Variants in MSRA observed in about 807,000 individuals in gnomAD.
MSRA encodes the protein mitochondrial peptide methionine sulfoxide reductase.
In MSRA, 54 loss-of-function variants were observed where a neutral mutation model predicts 31.3. The observed-to-expected ratio is 1.73, with a 90% CI of 1.39 to 2.17. MSRA has a LOEUF of 2.17. Ranked by LOEUF, MSRA falls within the 30% of genes most tolerant of loss-of-function variation. The pLI, the probability that MSRA is intolerant of heterozygous loss-of-function variation, is 0.00. For missense variants in MSRA, 507 were observed against 300.9 expected, an observed-to-expected ratio of 1.69 and a Z score of -5.07; for synonymous variants, 169 against 116.5, an observed-to-expected ratio of 1.45 and a Z score of -2.90.
intron 1 of MSRA, among the ~76,000 whole-genome samples, chr8:10,071,373 T>A (rs1797723338): frequency 6.6e-6 from 1 of 152,096 alleles, no homozygotes; most frequent in Non-Finnish European, 1.5e-5. Flanking sequence ...CAGCGGAGTC[T>A]TTTATATATT....
intron 1 of MSRA, among the ~76,000 whole-genome samples, chr8:10,197,391 G>A (rs138028468): frequency 6.6e-6 from 1 of 152,312 alleles, no homozygotes; most frequent in African/African-American, 2.4e-5. Flanking sequence ...AGGCTAGTCT[G>A]GTGCTTGCCG....
intron 5 of MSRA, among the ~76,000 whole-genome samples, chr8:10,327,271 C>T (rs1189243196): frequency 3.3e-5 from 5 of 152,172 alleles, no homozygotes; most frequent in Non-Finnish European, 7.3e-5. Flanking sequence ...CATCCACCCA[C>T]CTGTCCCTAT....
At chr8:10,081,843 C>T (rs17688059) in intron 1 of MSRA, among the ~76,000 whole-genome samples, 7,905 of 152,228 alleles carry the variant, frequency 0.052, 284 homozygotes, top group Middle Eastern at 0.085. Flanking sequence ...GCGGGGACCT[C>T]TTGATCTGCA....
At chr8:10,054,826 C>T (rs1004131286) in intron 1 of MSRA, among the ~76,000 whole-genome samples, 168 bp downstream of exon 1, 10 of 152,196 alleles carry the variant, frequency 6.6e-5, no homozygotes, top group African/African-American at 1.7e-4. Flanking sequence ...GCCGGGGAGA[C>T]GCTGGGGTCC....
intron 1 of MSRA, among the ~76,000 whole-genome samples, chr8:10,160,636 A>G (rs756712143): frequency 6.6e-6 from 1 of 152,144 alleles, no homozygotes; most frequent in South Asian, 2.1e-4. Flanking sequence ...AGGTTCAAGC[A>G]ATTCTGCCTC....
chr8:10,194,583 A>G (rs1242465350), intron 1 of MSRA, among the ~76,000 whole-genome samples: 1 of 152,166 alleles, frequency 6.6e-6, no homozygotes, highest in Non-Finnish European at 1.5e-5. Flanking sequence ...AAAACAATTA[A>G]CATATTACTC....
intron 3 of MSRA, among the ~76,000 whole-genome samples, chr8:10,280,399 C>G (rs1799558672): frequency 6.6e-6 from 1 of 151,682 alleles, no homozygotes; most frequent in South Asian, 2.1e-4. Flanking sequence ...TTGCTGTATC[C>G]CAATCGTTTT....
intron 1 of MSRA, among the ~76,000 whole-genome samples, chr8:10,139,264 A>G (rs149602275): frequency 1.3e-5 from 2 of 152,364 alleles, no homozygotes; most frequent in East Asian, 3.9e-4. Flanking sequence ...TGTGAATAAT[A>G]AAAGCACTGA....
At chr8:10,385,923 C>T (rs1806362658) in intron 5 of MSRA, among the ~76,000 whole-genome samples, 1 of 152,018 alleles carries the variant, frequency 6.6e-6, no homozygotes, top group African/African-American at 2.4e-5. Context: ...CAGAGGAGGA[C>T]AATACGCGAT....
chr8:10,077,853 C>A (rs1291153869), intron 1 of MSRA, among the ~76,000 whole-genome samples: 1 of 152,138 alleles, frequency 6.6e-6, no homozygotes. Context: ...ATTTACTCAT[C>A]CCCGGCCATG....
intron 4 of MSRA, among the ~76,000 whole-genome samples, chr8:10,302,401 G>C (rs567665754): frequency 2.6e-5 from 4 of 152,328 alleles, no homozygotes; most frequent in African/African-American, 9.6e-5. Context: ...AATAGATGTG[G>C]TTTTTCACAA....
At chr8:10,085,219 T>G (rs2128924664) in intron 1 of MSRA, among the ~76,000 whole-genome samples, 1 of 152,262 alleles carries the variant, frequency 6.6e-6, no homozygotes, top group African/African-American at 2.4e-5. Context: ...TGCCACATCC[T>G]GAGCATTCCT....
In MSRA at chr8:10,330,005, A is replaced by AGTGTGT. The variant is rs1231687542; in HGVS notation, c.543+10016_543+10017insGTGTGT. On this transcript the variant is annotated intron_variant, in intron 5 of 5. Transcript: ENST00000317173. Reference sequence around the variant, plus strand: ...TAGAAGGATATTTGGGAGAGAAAAAAATGTGTGTGTGTGTGTGTGTGTGTG... The same window carrying AGTGTGT: ...TAGAAGGATATTTGGGAGAGAAAAAAGTGTGTATGTGTGTGTGTGTGTGTGTGTGTG... Among the ~76,000 whole-genome samples the AGTGTGT allele has an allele frequency of 8.8e-5, 8 of 91,312 alleles. 1 individual carries two copies. The highest frequency in any genetic ancestry group is 8.6e-4 in the Admixed American group (7 of 8,128). The allele number at this position is 91,312 out of a possible 152,430, so 59.9% of individuals were successfully genotyped here. A position where few individuals can be genotyped will look rare whatever the true frequency, so the allele number is the denominator to read the frequency against.
chr8:10,205,068 C>T lies in MSRA; in HGVS notation c.143-2765C>T, dbSNP rs568852365. ...TTCTGACCATGCAGGTGCTTGCAGG[C>T]CATGCCAAAGAGCTTTGACTGTGGC... On this transcript the variant is annotated intron_variant, in intron 1 of 5. Coordinates refer to ENST00000317173, the MANE Select transcript of MSRA (RefSeq NM_012331.5). Among the ~76,000 whole-genome samples, 5 of 152,226 alleles carry T rather than the reference C, an allele frequency of 3.3e-5. No individual in the cohort carries two copies. The South Asian group carries it at 1.0e-3, about 32-fold the overall frequency.
At chr8:10,280,365 A>G (rs989422640) in intron 3 of MSRA, among the ~76,000 whole-genome samples, 1 of 61,440 alleles carries the variant, frequency 1.6e-5, no homozygotes, top group Non-Finnish European at 3.4e-5. Flanking sequence ...CTTTCTAATA[A>G]TTAATTCAAG....
intron 1 of MSRA, chr8:10,058,949 A>G (rs1178439712): frequency 1.3e-5 from 2 of 152,236 alleles, no homozygotes; most frequent in Non-Finnish European, 2.9e-5. Context: ...AAATTGGATT[A>G]TAACATGAAT....
chr8:10,244,523 C>T (rs1294171783), intron 2 of MSRA, among the ~76,000 whole-genome samples: 5 of 152,150 alleles, frequency 3.3e-5, no homozygotes, highest in African/African-American at 1.2e-4. Flanking sequence ...TCATTATATC[C>T]AGAAATAAAA....
chr8:10,081,121 C>G (rs777556263), intron 1 of MSRA, among the ~76,000 whole-genome samples: 1 of 152,176 alleles, frequency 6.6e-6, no homozygotes, highest in Non-Finnish European at 1.5e-5. Context: ...GGGCTGCACA[C>G]GTGGTCCAGT....
At chr8:10,354,167 T>C (rs1585563793) in intron 5 of MSRA, among the ~76,000 whole-genome samples, 2 of 152,240 alleles carry the variant, frequency 1.3e-5, no homozygotes, top group Admixed American at 1.3e-4. Flanking sequence ...GCTTTTTGTT[T>C]GTAAGCCCTG....
Sources: gnomAD v4.1 joint callset for allele counts (sites outside exome capture counted in the v4.1 genomes callset) on GRCh38, gnomAD v4.1.1 for gene constraint, MANE v1.5 for transcripts, NCBI Gene and HGNC (gene_info 2026-07-23, HGNC 2026-07-21) for gene names.